Variants in CILK1 observed in about 807,000 individuals in gnomAD.
CILK1 encodes the protein serine/threonine-protein kinase ICK.
A neutral mutation model predicts 79.2 loss-of-function variants in CILK1; 47 were observed. The ratio of observed to expected loss-of-function variants is 0.59; its 90% confidence interval spans 0.47 to 0.76. The LOEUF (loss-of-function observed/expected upper bound fraction) is 0.76. CILK1 is among the 30% of genes least tolerant of loss of function. The pLI is 0.00. For synonymous variants in CILK1, 266 were observed against 275.9 expected (o/e 0.96, Z 0.36); for missense variants, 660 against 769.5 (o/e 0.86, Z 1.68).
chr6:53,019,128 A>T, intron 6 of CILK1, 99 bp downstream of exon 6: 1 of 1,128,962 alleles, frequency 8.9e-7, no homozygotes, highest in Non-Finnish European at 1.3e-6. Flanking sequence ...TGTTTCTCTT[A>T]GTGAAAAGTT....
intron 1 of CILK1, among the ~76,000 whole-genome samples, chr6:53,053,897 G>T (rs1401016549): frequency 2.0e-5 from 3 of 152,104 alleles, no homozygotes; most frequent in Admixed American, 2.0e-4. Flanking sequence ...TTTACTTTTG[G>T]TGGAATTAGG....
At position 53,027,752 on chromosome 6, in the gene CILK1, C is replaced by G. The variant is rs192296022; in HGVS notation, c.358+3313G>C. Among the ~76,000 whole-genome samples the G allele has an allele frequency of 1.2e-3, 188 of 152,320 alleles. 1 individual carries two copies. Among genetic ancestry groups the G allele is most frequent in the Non-Finnish European group, 2.9e-4 (20 of 68,026 alleles). The stretch of plus-strand genomic sequence containing the variant: ...GGGTGCAGTGGCTCACTCCTGTAAT[C>G]CTGGCACTTTGGGAGGCCAAGATGG... On this transcript the variant is annotated intron_variant, in intron 5 of 13. Transcript: ENST00000676107.
At chr6:53,037,661 TAAGAA>T (rs1766448137) in intron 3 of CILK1, among the ~76,000 whole-genome samples, 1 of 152,172 alleles carries the variant, frequency 6.6e-6, no homozygotes, top group East Asian at 1.9e-4. Context: ...CGTTAATAAT[TAAGAA>T]AATAGGCAAT....
Position 53,011,884 on chromosome 6 carries a change from C to T in CILK1, c.1377G>A (p.Glu459=), listed in dbSNP as rs779774387. The T allele has an allele frequency of 1.2e-6, 2 of 1,614,140 alleles. No homozygotes were observed. Among genetic ancestry groups the T allele is most frequent in the Admixed American group, 3.3e-5 (2 of 60,028 alleles). The change falls in exon 11 of 14, where the codon GAG becomes GAA. Residue 459 remains glutamate, a synonymous_variant. Transcript: ENST00000676107. ...GGGCACTGTTTCCTGTGCCCACAGG[C>T]TCAGAGGGCTTCAGGTCCAAAACAC... ...FESVLDLKPS[E]PVGTGNSAPT...
intron 8 of CILK1, among the ~76,000 whole-genome samples, chr6:53,014,487 A>G (rs1181836122): frequency 1.3e-5 from 2 of 152,260 alleles, no homozygotes; most frequent in African/African-American, 4.8e-5. Flanking sequence ...CTTCCCTATC[A>G]AGAACAAAAC....
chr6:53,044,742 G>A (rs570618507), intron 1 of CILK1, among the ~76,000 whole-genome samples: 14 of 152,246 alleles, frequency 9.2e-5, no homozygotes, highest in African/African-American at 3.4e-4. Flanking sequence ...TACAGAGGTC[G>A]TAAGGGTAGG....
At chr6:53,008,060 A>T (rs1764336840) in intron 12 of CILK1, among the ~76,000 whole-genome samples, 1 of 151,826 alleles carries the variant, frequency 6.6e-6, no homozygotes, top group African/African-American at 2.4e-5. Context: ...GGGGTACAAT[A>T]ATCATCTCAG....
intron 9 of CILK1, among the ~76,000 whole-genome samples, chr6:53,012,674 A>G (rs1333603845): frequency 6.6e-6 from 1 of 152,188 alleles, no homozygotes; most frequent in Non-Finnish European, 1.5e-5. Context: ...TCTTAGCTAT[A>G]AAGAATTAGC....
intron 1 of CILK1, among the ~76,000 whole-genome samples, chr6:53,058,526 A>C (rs778016714): frequency 5.3e-5 from 8 of 152,002 alleles, no homozygotes; most frequent in Non-Finnish European, 7.4e-5. Flanking sequence ...TAATCCCAAA[A>C]CGTGTATAAG....
Position 53,019,347 on chromosome 6 carries a change from C to T in CILK1, c.371G>A (p.Arg124Gln), listed in dbSNP as rs985839383. The T allele has an allele frequency of 1.1e-5, 17 of 1,613,826 alleles. No individual in the cohort carries two copies. The highest frequency in any genetic ancestry group is 1.4e-5 in the Non-Finnish European group (16 of 1,179,956). ...GAGGAGGTTCTCAGGCTTTAAGTCT[C>T]GATGAAAGAAGCCTATAGAGACAGT... ...AFIHKHGFFH[R>Q]DLKPENLLCM... Residue 124 changes from arginine to glutamine, a missense_variant, in exon 6 of 14, where the codon CGA becomes CAA. By Grantham distance (43) the Arg-to-Gln change is conservative (BLOSUM62 1). Transcript: ENST00000676107.
intron 12 of CILK1, among the ~76,000 whole-genome samples, chr6:53,006,852 C>T (rs746421055): frequency 1.1e-4 from 16 of 152,090 alleles, no homozygotes; most frequent in Admixed American, 2.6e-4. Flanking sequence ...TCCATTTAAC[C>T]ATTTTCTTAT....
chr6:53,032,487 T>A, intron 4 of CILK1, 46 bp downstream of exon 4: 1 of 1,370,284 alleles, frequency 7.3e-7, no homozygotes, highest in Non-Finnish European at 9.7e-7. Flanking sequence ...ACACATCTGC[T>A]TTGCCTATTT....
At chr6:53,026,574 T>C (rs1765595140) in intron 5 of CILK1, among the ~76,000 whole-genome samples, 1 of 152,218 alleles carries the variant, frequency 6.6e-6, no homozygotes, top group South Asian at 2.1e-4. Context: ...GAGGCAGACA[T>C]GGCTCCATTT....
intron 11 of CILK1, among the ~76,000 whole-genome samples, chr6:53,010,054 C>A (rs1401359755): frequency 6.6e-6 from 1 of 152,118 alleles, no homozygotes; most frequent in Non-Finnish European, 1.5e-5. Context: ...TTTAAATTCC[C>A]CCTTTATCCT....
In CILK1 at chr6:53,013,898, C is replaced by T. The variant is rs1680218955; in HGVS notation, c.916G>A (p.Gly306Ser). The part of the protein sequence containing the change: ...NLQDSEKPQK[G>S]ILEKAGPPPY... ...GGTGGGCCTGCCTTTTCCAGGATGC[C>T]TTTCTGTGGTTTTTCTGAATCCTGA... Residue 306 changes from glycine (G) to serine (S), a missense_variant, in exon 9 of 14, where the codon GGC (glycine) becomes AGC (serine). Gly to Ser is a moderately conservative substitution (Grantham distance 56). Coordinates refer to ENST00000676107, the MANE Select transcript of CILK1 (RefSeq NM_014920.5). 1 of 1,614,062 alleles carries T rather than the reference C, an allele frequency of 6.2e-7. No individual in the cohort carries two copies. The highest frequency in any genetic ancestry group is 8.5e-7 in the Non-Finnish European group (1 of 1,179,986).
chr6:53,008,370 A>G (rs1163458323), intron 12 of CILK1, among the ~76,000 whole-genome samples: 5 of 152,020 alleles, frequency 3.3e-5, no homozygotes, highest in African/African-American at 1.2e-4. Context: ...GGTAAGGGGA[A>G]GCAGGGAGGC....
chr6:53,010,976 T>A, intron 11 of CILK1, among the ~76,000 whole-genome samples: 1 of 152,222 alleles, frequency 6.6e-6, no homozygotes, highest in East Asian at 1.9e-4. Flanking sequence ...CACAATAATA[T>A]TCGCAGTGCT....
Position 53,013,792 on chromosome 6 carries a change from C to T in CILK1, c.1022G>A (p.Ser341Asn), listed in dbSNP as rs2127411366. 6.2e-7 allele frequency: 1 copy of T among 1,614,062 alleles called. No individual in the cohort carries two copies. The highest frequency in any genetic ancestry group is 8.5e-7 in the Non-Finnish European group (1 of 1,180,018). The change falls in exon 9 of 14, where the codon AGC becomes AAC. Residue 341 changes from serine to asparagine, a missense_variant. Ser to Asn is a conservative substitution (Grantham distance 46). Coordinates refer to ENST00000676107, the MANE Select transcript of CILK1 (RefSeq NM_014920.5). The stretch of plus-strand genomic sequence containing the variant: ...GTACGTGAGATGCAGAGGGGGCTGG[C>T]TGGCTTGATGCTGTCGTGAAGAAAT... ...TRISSRQHQA[S>N]QPPLHLTYPY...
At chr6:53,022,348 T>A (rs1047507128) in intron 5 of CILK1, among the ~76,000 whole-genome samples, 6 of 152,208 alleles carry the variant, frequency 3.9e-5, no homozygotes, top group African/African-American at 9.7e-5. Flanking sequence ...GTACCATTTT[T>A]AAAAAAATTT....
Sources: gnomAD v4.1 joint callset for allele counts (sites outside exome capture counted in the v4.1 genomes callset) on GRCh38, gnomAD v4.1.1 for gene constraint, MANE v1.5 for transcripts, NCBI Gene and HGNC (gene_info 2026-07-23, HGNC 2026-07-21) for gene names.